Variants in XPOT observed in about 807,000 individuals in gnomAD.
The protein encoded by XPOT is exportin-T.
Under a neutral mutation model 128.2 loss-of-function variants are expected in XPOT, and 34 were observed. The ratio of observed to expected loss-of-function variants is 0.27; its 90% CI spans 0.20 to 0.35. The LOEUF (loss-of-function observed/expected upper bound fraction) is 0.35, where lower values mean the gene tolerates loss of function less well. XPOT is among the 10% of genes least tolerant of loss of function. The probability of loss-of-function intolerance (pLI) is 1.00; values close to 1 mark genes in which losing one functional copy is unlikely to be tolerated. For missense variants in XPOT, 838 were observed against 1,125.3 expected (o/e 0.74, Z 3.65); for synonymous variants, 348 against 394.3 (o/e 0.88, Z 1.39).
intron 24 of XPOT, among the ~76,000 whole-genome samples, chr12:64,446,835 C>G (rs747569601): frequency 2.6e-5 from 4 of 152,122 alleles, no homozygotes; most frequent in Non-Finnish European, 5.9e-5. Context: ...TTCCCCTGCA[C>G]ATAGTAGATT....
chr12:64,410,018 A>C lies in XPOT; in HGVS notation c.-18A>C, dbSNP rs11175383. The C allele has an allele frequency of 0.27, 429,176 of 1,611,012 alleles. 60,511 individuals carry two copies. The highest frequency in any genetic ancestry group is 0.45 in the Middle Eastern group (2,738 of 6,056). ...GCACGCCTATTACAACCAGAAAACT[A>C]CAAGTATAACAGCGAGGATGGATGA... On this transcript the variant is annotated 5_prime_UTR_variant, in exon 2 of 25. Transcript: ENST00000332707.
chr12:64,427,940 A>G (rs1167874701), intron 15 of XPOT, 111 bp from the exon 16 acceptor site: 1 of 692,032 alleles, frequency 1.4e-6, no homozygotes, highest in Non-Finnish European at 2.5e-6. Flanking sequence ...ATCAGAAGTG[A>G]CTAGCCTACA....
At chr12:64,419,931 G>A in intron 6 of XPOT, 139 bp from the exon 7 acceptor site, 1 of 653,868 alleles carries the variant, frequency 1.5e-6, no homozygotes, top group South Asian at 3.0e-5. Context: ...CACAGGATAT[G>A]ATCTTAGAGC....
intron 12 of XPOT, 38 bp from the exon 13 acceptor site, chr12:64,425,000 T>G (rs761635376): frequency 6.2e-7 from 1 of 1,609,340 alleles, no homozygotes; most frequent in Non-Finnish European, 8.5e-7. Context: ...TATGAAAAAT[T>G]TATCTTTAAA....
chr12:64,423,070 C>G, intron 10 of XPOT, 27 bp downstream of exon 10: 1 of 1,611,156 alleles, frequency 6.2e-7, no homozygotes, highest in Non-Finnish European at 8.5e-7. Flanking sequence ...TTCTTTTAAA[C>G]CAATGATAGA....
intron 22 of XPOT, among the ~76,000 whole-genome samples, chr12:64,435,939 T>C (rs1041460313): frequency 3.3e-5 from 5 of 152,004 alleles, no homozygotes; most frequent in Non-Finnish European, 5.9e-5. Context: ...CACTACCAGA[T>C]TTTTTATTTT....
intron 5 of XPOT, 61 bp downstream of exon 5, chr12:64,418,176 A>T: frequency 6.9e-7 from 1 of 1,442,498 alleles, no homozygotes; most frequent in Non-Finnish European, 9.6e-7. Context: ...ATTTTTTGCA[A>T]GAGTTTGGAA....
chr12:64,423,220 T>C lies in XPOT; in HGVS notation c.1158T>C (p.Asp386=). The change falls in exon 11 of 25, where the codon GAT becomes GAC. Residue 386 remains aspartate (D), a synonymous_variant. Coordinates refer to ENST00000332707, the MANE Select transcript of XPOT (RefSeq NM_007235.6). ...MLAVMKKLTY[D]EEYNFENEGE... is the part of the protein sequence containing the mutation. ...CCGTTATGAAAAAATTGACTTACGA[T>C]GAAGAATATAACTTTGAAAATGAGG... 1 of 1,594,204 alleles carries C rather than the reference T, an allele frequency of 6.3e-7. No individual in the cohort carries two copies. The highest frequency in any genetic ancestry group is 8.5e-7 in the Non-Finnish European group (1 of 1,174,928).
At position 64,445,065 on chromosome 12, in the gene XPOT, C is replaced by T. The variant is rs759328794; in HGVS notation, c.2806-10C>T. 1.6e-5 allele frequency: 26 copies of T among 1,599,890 alleles called. No individual in the cohort carries two copies. The East Asian group carries it at 5.6e-4, about 34-fold the overall frequency. On this transcript the variant is annotated splice_polypyrimidine_tract_variant and intron_variant, in intron 23 of 24. Transcript: ENST00000332707. ...TTGTTCTTTTTCTCCCTCTTTTCCC[C>T]ACCCCCCAGGAGTTTTGTCAAGCGC...
rs1373856172 is a variant in XPOT, at chr12:64,448,232, T to G, written c.*101T>G. 1.7e-6 allele frequency: 2 copies of G among 1,154,638 alleles called. No homozygotes were observed. Among genetic ancestry groups the G allele is most frequent in the Non-Finnish European group, 2.6e-6 (2 of 764,998 alleles). The allele number at this position is 1,154,638 out of a possible 1,614,324, so 71.5% of individuals were successfully genotyped here. A position where few individuals can be genotyped will look rare whatever the true frequency, so the allele number is the denominator to read the frequency against. On this transcript the variant is annotated 3_prime_UTR_variant, in exon 25 of 25. Transcript: ENST00000332707. The stretch of plus-strand genomic sequence containing the variant: ...TTCACACTGGTCTTTTTCACATTGT[T>G]TTGAGCTTATTGCAGTATATGTTTT...
At chr12:64,417,156 G>T (rs1004756855) in intron 4 of XPOT, among the ~76,000 whole-genome samples, 10 of 152,232 alleles carry the variant, frequency 6.6e-5, no homozygotes, top group Non-Finnish European at 1.2e-4. Flanking sequence ...GGCGGAGGTT[G>T]CAGTGAGCCG....
intron 2 of XPOT, among the ~76,000 whole-genome samples, chr12:64,411,105 G>C (rs1025467704): frequency 6.6e-6 from 1 of 152,164 alleles, no homozygotes; most frequent in Non-Finnish European, 1.5e-5. Context: ...TTCAGATACA[G>C]GAAAATAATA....
At chr12:64,444,518 T>A (rs997648076) in intron 23 of XPOT, among the ~76,000 whole-genome samples, 5 of 152,196 alleles carry the variant, frequency 3.3e-5, no homozygotes, top group African/African-American at 1.2e-4. Flanking sequence ...TGGATGAACC[T>A]AGAGGACATT....
intron 23 of XPOT, among the ~76,000 whole-genome samples, chr12:64,444,641 GT>G (rs2040353713): frequency 6.6e-6 from 1 of 152,138 alleles, no homozygotes; most frequent in Non-Finnish European, 1.5e-5. Flanking sequence ...AGGGGCTGGA[GT>G]AGGGGAAAAT....
At chr12:64,438,143 T>G (rs2040297804) in intron 22 of XPOT, among the ~76,000 whole-genome samples, 1 of 152,220 alleles carries the variant, frequency 6.6e-6, no homozygotes, top group Non-Finnish European at 1.5e-5. Context: ...AAGGATGGTA[T>G]TTCTACTTCA....
At chr12:64,426,043 T>C in intron 15 of XPOT, 134 bp downstream of exon 15, 1 of 786,964 alleles carries the variant, frequency 1.3e-6, no homozygotes, top group Non-Finnish European at 2.1e-6. Flanking sequence ...GTAGGCCAGG[T>C]ATGGTGGCTC....
chr12:64,423,019 G>T lies in XPOT; in HGVS notation c.1095G>T (p.Ser365=). The T allele has an allele frequency of 6.2e-7, 1 of 1,613,232 alleles. No homozygotes were observed. Among genetic ancestry groups the T allele is most frequent in the Non-Finnish European group, 8.5e-7 (1 of 1,179,894 alleles). ...LHILKQLTVL[S]DQQKANVEAI... ...CTTTTTAACAGCTTACAGTGCTCTC[G>T]GATCAGCAAAAAGCTAATGTAGAGG... The change falls in exon 10 of 25, where the codon TCG becomes TCT. Residue 365 remains serine (S), a synonymous_variant. Coordinates refer to ENST00000332707, the MANE Select transcript of XPOT (RefSeq NM_007235.6).
chr12:64,450,615 T>C lies in XPOT; in HGVS notation c.*2484T>C, dbSNP rs2040404521. The C allele has an allele frequency of 6.6e-6, 1 of 152,246 alleles. No homozygotes were observed. Among genetic ancestry groups the C allele is most frequent in the South Asian group, 2.1e-4 (1 of 4,834 alleles). 9.4% of individuals were successfully genotyped at this position (152,246 alleles called of 1,614,324 possible). A position where few individuals can be genotyped will look rare whatever the true frequency, so the allele number is the denominator to read the frequency against. On this transcript the variant is annotated 3_prime_UTR_variant, in exon 25 of 25. Transcript: ENST00000332707. Reference sequence around the variant, plus strand: ...GTTATATAATCATGCATAACTTCTATCTTCATTCTCTGAAGTTGCCTAGAG... The same window carrying C: ...GTTATATAATCATGCATAACTTCTACCTTCATTCTCTGAAGTTGCCTAGAG...
intron 17 of XPOT, among the ~76,000 whole-genome samples, chr12:64,431,229 C>A (rs2040236513): frequency 6.6e-6 from 1 of 152,168 alleles, no homozygotes; most frequent in South Asian, 2.1e-4. Context: ...GAAGCATGAG[C>A]CACAATACCC....
Sources: gnomAD v4.1 joint callset for allele counts (sites outside exome capture counted in the v4.1 genomes callset) on GRCh38, gnomAD v4.1.1 for gene constraint, MANE v1.5 for transcripts, NCBI Gene and HGNC (gene_info 2026-07-23, HGNC 2026-07-21) for gene names.